Variants in HDAC9 observed in about 807,000 individuals in gnomAD.
HDAC9 encodes MEF-2 interacting transcription repressor (MITR) protein.
A neutral mutation model predicts 139.4 loss-of-function variants in HDAC9; 41 were observed. The observed-to-expected ratio is 0.29, with a 90% confidence interval of 0.23 to 0.38. HDAC9 has a LOEUF of 0.38. HDAC9 is among the 10% of genes least tolerant of loss of function. HDAC9 has a pLI of 1.00. For synonymous variants in HDAC9, 517 were observed against 476.2 expected (o/e 1.09, Z -1.12); for missense variants, 1,147 against 1,297.0 (o/e 0.88, Z 1.78).
At chr7:18,216,777 G>C (rs552365442) in intron 2 of HDAC9, among the ~76,000 whole-genome samples, 1 of 152,094 alleles carries the variant, frequency 6.6e-6, no homozygotes, top group Non-Finnish European at 1.5e-5. Context: ...TTGTGATACT[G>C]AATGATAGTT....
chr7:18,685,014 AG>A (rs1425493663), intron 12 of HDAC9, among the ~76,000 whole-genome samples: 9 of 152,008 alleles, frequency 5.9e-5, no homozygotes, highest in Admixed American at 1.3e-4. Flanking sequence ...TTCCTCCTCA[AG>A]GTCCTCCCAC....
At chr7:18,884,804 T>C (rs1235388313) in intron 22 of HDAC9, among the ~76,000 whole-genome samples, 2 of 152,156 alleles carry the variant, frequency 1.3e-5, no homozygotes, top group Non-Finnish European at 2.9e-5. Flanking sequence ...GCCTTCGACC[T>C]TCCTTACCTA....
chr7:18,707,022 G>A (rs1783980283), intron 12 of HDAC9, among the ~76,000 whole-genome samples: 1 of 152,132 alleles, frequency 6.6e-6, no homozygotes, highest in African/African-American at 2.4e-5. Context: ...ATGAGGCACT[G>A]GTTACCCCCA....
intron 1 of HDAC9, among the ~76,000 whole-genome samples, chr7:18,404,331 G>GT (rs530798113): frequency 6.6e-6 from 1 of 151,702 alleles, no homozygotes; most frequent in Non-Finnish European, 1.5e-5. Flanking sequence ...CAAATGTAAT[G>GT]TTTTTTTTAA....
intron 2 of HDAC9, among the ~76,000 whole-genome samples, chr7:18,256,472 C>T (rs181670456): frequency 2.4e-3 from 372 of 152,242 alleles, no homozygotes; most frequent in Non-Finnish European, 3.8e-3. Context: ...GGTGTATTAT[C>T]AAGGAGCTTC....
intron 12 of HDAC9, among the ~76,000 whole-genome samples, chr7:18,695,917 A>G (rs1217884805): frequency 6.6e-6 from 1 of 152,156 alleles, no homozygotes; most frequent in Non-Finnish European, 1.5e-5. Context: ...TCTGGCTAGT[A>G]TTTTGAATAT....
intron 6 of HDAC9, among the ~76,000 whole-genome samples, chr7:18,613,174 G>A (rs1175107278): frequency 6.6e-6 from 1 of 150,532 alleles, no homozygotes; most frequent in Non-Finnish European, 1.5e-5. Context: ...TTACTTCATA[G>A]AATAAAGATT....
chr7:18,468,080 A>G (rs1794431645), intron 1 of HDAC9, among the ~76,000 whole-genome samples: 1 of 152,188 alleles, frequency 6.6e-6, no homozygotes, highest in African/African-American at 2.4e-5. Flanking sequence ...ACATATCAAT[A>G]TGACTTATCG....
chr7:18,269,180 T>C (rs929612717), intron 2 of HDAC9, among the ~76,000 whole-genome samples: 2 of 152,136 alleles, frequency 1.3e-5, no homozygotes, highest in African/African-American at 2.4e-5. Flanking sequence ...TTTGCAGATA[T>C]ACACACATAT....
intron 12 of HDAC9, among the ~76,000 whole-genome samples, chr7:18,688,716 TAGA>T (rs1439201805): frequency 6.6e-6 from 1 of 151,852 alleles, no homozygotes; most frequent in Non-Finnish European, 1.5e-5. Context: ...ACCGAAAAAC[TAGA>T]AGAAGCACAC....
At chr7:18,134,458 A>G (rs576927090) in intron 1 of HDAC9, among the ~76,000 whole-genome samples, 3 of 152,188 alleles carry the variant, frequency 2.0e-5, no homozygotes, top group Admixed American at 6.6e-5. Context: ...CATTATCAAA[A>G]TTCATGGATT....
At chr7:18,225,581 A>G (rs1478717528) in intron 2 of HDAC9, among the ~76,000 whole-genome samples, 1 of 152,146 alleles carries the variant, frequency 6.6e-6, no homozygotes, top group African/African-American at 2.4e-5. Flanking sequence ...AGAAAGTTTA[A>G]TTATGTGTTC....
At chr7:18,128,744 C>CT (rs1231939162) in intron 1 of HDAC9, among the ~76,000 whole-genome samples, 1 of 152,088 alleles carries the variant, frequency 6.6e-6, no homozygotes, top group Non-Finnish European at 1.5e-5. Context: ...GGGAAGATAG[C>CT]TTCTTAATGG....
chr7:18,561,333 G>A (rs1200262522), intron 2 of HDAC9, among the ~76,000 whole-genome samples: 1 of 152,144 alleles, frequency 6.6e-6, no homozygotes, highest in Non-Finnish European at 1.5e-5. Flanking sequence ...CAATTCCCCA[G>A]AGATTATCTT....
At chr7:18,962,998 C>T (rs1212738824) in intron 24 of HDAC9, among the ~76,000 whole-genome samples, 1 of 152,040 alleles carries the variant, frequency 6.6e-6, no homozygotes, top group African/African-American at 2.4e-5. Flanking sequence ...TTCCTGTTCC[C>T]ACTCCATTTC....
At chr7:18,462,223 C>A (rs1353849124) in intron 1 of HDAC9, among the ~76,000 whole-genome samples, 1 of 151,954 alleles carries the variant, frequency 6.6e-6, no homozygotes, top group Non-Finnish European at 1.5e-5. Flanking sequence ...AGTATTTGAT[C>A]TCTGATAAAT....
In HDAC9 at chr7:18,279,094, A is replaced by G. The variant is rs546711641; in HGVS notation, c.25+116745A>G. On this transcript the variant is annotated intron_variant, in intron 2 of 12. Coordinates refer to the HDAC9 transcript ENST00000417496. ...ATTCATCATTCAATAAAGTACAACT[A>G]AATCTCTACCAAATAACAAAATCCA... 2.0e-5 allele frequency among the ~76,000 whole-genome samples: 3 copies of G among 152,346 alleles called. No individual in the cohort carries two copies. The East Asian group carries it at 5.8e-4, about 29-fold the overall frequency.
chr7:18,205,571 T>C (rs1791443520), intron 2 of HDAC9, among the ~76,000 whole-genome samples: 1 of 152,118 alleles, frequency 6.6e-6, no homozygotes, highest in African/African-American at 2.4e-5. Flanking sequence ...TTTACCTTTT[T>C]CCCCTATATT....
intron 12 of HDAC9, among the ~76,000 whole-genome samples, chr7:18,708,120 G>C (rs1315803297): frequency 6.6e-6 from 1 of 152,154 alleles, no homozygotes; most frequent in African/African-American, 2.4e-5. Flanking sequence ...GGTAAGGATG[G>C]ATGTGGGTGC....
Sources: allele counts gnomAD v4.1 joint callset (sites outside exome capture counted in the v4.1 genomes callset), GRCh38; gene constraint gnomAD v4.1.1; transcripts MANE v1.5; gene names NCBI Gene and HGNC (gene_info 2026-07-23, HGNC 2026-07-21).